NELL1: variants seen among roughly 807,000 people sequenced by gnomAD.
NELL1 encodes neural EGFL like 1, also known as protein kinase C-binding protein NELL1.
In NELL1, 76 loss-of-function variants were observed where a neutral mutation model predicts 107.4. The ratio of observed to expected loss-of-function variants is 0.71; its 90% confidence interval spans 0.59 to 0.86. NELL1 has a LOEUF of 0.86. NELL1 is among the 40% of genes least tolerant of loss of function. The pLI, the probability that NELL1 is intolerant of heterozygous loss-of-function variation, is 0.00. For synonymous variants in NELL1, 353 were observed against 341.2 expected (o/e 1.03, Z -0.38); for missense variants, 1,024 against 1,005.5 (o/e 1.02, Z -0.25).
chr11:20,733,899 C>G (rs894262765), intron 2 of NELL1, among the ~76,000 whole-genome samples: 1 of 152,074 alleles, frequency 6.6e-6, no homozygotes, highest in Non-Finnish European at 1.5e-5. Context: ...CGTAGACAGT[C>G]AATTAACCAG....
chr11:20,915,874 C>A (rs974916604), intron 5 of NELL1, among the ~76,000 whole-genome samples: 1 of 151,058 alleles, frequency 6.6e-6, no homozygotes, highest in Non-Finnish European at 1.5e-5. Flanking sequence ...GTCCATATAG[C>A]AATTTAATGC....
intron 14 of NELL1, among the ~76,000 whole-genome samples, chr11:21,303,671 G>A (rs912894538): frequency 1.3e-5 from 2 of 151,998 alleles, no homozygotes; most frequent in African/African-American, 4.8e-5. Context: ...GTTACTCAAA[G>A]GAAAAGAAAT....
chr11:21,342,444 A>G (rs971669962), intron 14 of NELL1, among the ~76,000 whole-genome samples: 2 of 149,550 alleles, frequency 1.3e-5, no homozygotes, highest in Non-Finnish European at 3.0e-5. Flanking sequence ...CAGGAGTTCG[A>G]GACCAGCCTG....
chr11:20,825,787 T>A (rs1287302461), intron 3 of NELL1, among the ~76,000 whole-genome samples: 1 of 151,158 alleles, frequency 6.6e-6, no homozygotes, highest in Non-Finnish European at 1.5e-5. Context: ...TGGGGAACTG[T>A]TGGGAAGGCA....
chr11:21,445,547 G>C (rs1564897673), intron 15 of NELL1, among the ~76,000 whole-genome samples: 1 of 152,064 alleles, frequency 6.6e-6, no homozygotes, highest in Non-Finnish European at 1.5e-5. Flanking sequence ...GTTGAGGCTG[G>C]TCTCGAACTC....
At chr11:21,476,206 A>C (rs1351447173) in intron 15 of NELL1, among the ~76,000 whole-genome samples, 1 of 152,180 alleles carries the variant, frequency 6.6e-6, no homozygotes, top group Non-Finnish European at 1.5e-5. Context: ...TAAACTTATT[A>C]ATTTTAGCTG....
intron 15 of NELL1, among the ~76,000 whole-genome samples, chr11:21,445,554 A>T (rs1322964641): frequency 6.6e-6 from 1 of 151,930 alleles, no homozygotes; most frequent in Admixed American, 6.6e-5. Flanking sequence ...CTGGTCTCGA[A>T]CTCCTGACCT....
intron 16 of NELL1, among the ~76,000 whole-genome samples, chr11:21,546,267 C>G (rs1856439653): frequency 6.6e-6 from 1 of 151,990 alleles, no homozygotes; most frequent in Non-Finnish European, 1.5e-5. Flanking sequence ...AGTTTCTGAG[C>G]ACTCCTTGAT....
chr11:21,574,495 T>C (rs1857176291), intron 19 of NELL1, among the ~76,000 whole-genome samples: 1 of 151,862 alleles, frequency 6.6e-6, no homozygotes. Flanking sequence ...TACCTAACTA[T>C]GCACTATCCC....
At chr11:20,903,216 A>T (rs1219360271) in intron 5 of NELL1, among the ~76,000 whole-genome samples, 1 of 152,018 alleles carries the variant, frequency 6.6e-6, no homozygotes, top group Non-Finnish European at 1.5e-5. Flanking sequence ...TGTTTCCAAG[A>T]ATGAACAGAA....
chr11:20,837,130 C>T (rs1269030667), intron 3 of NELL1, among the ~76,000 whole-genome samples: 3 of 152,084 alleles, frequency 2.0e-5, no homozygotes, highest in Non-Finnish European at 4.4e-5. Flanking sequence ...GCGGAAGGAA[C>T]TGTATATAGA....
At chr11:21,509,373 TG>T (rs1855378473) in intron 15 of NELL1, among the ~76,000 whole-genome samples, 1 of 152,212 alleles carries the variant, frequency 6.6e-6, no homozygotes, top group South Asian at 2.1e-4. Flanking sequence ...GGAATATACT[TG>T]GGAAACTCTT....
chr11:20,944,536 A>G (rs1850924544), intron 10 of NELL1, among the ~76,000 whole-genome samples: 1 of 152,214 alleles, frequency 6.6e-6, no homozygotes, highest in South Asian at 2.1e-4. Context: ...GACATGGAGA[A>G]AGCCACTCTA....
At chr11:21,114,575 C>A (rs536259538) in intron 13 of NELL1, among the ~76,000 whole-genome samples, 2 of 151,612 alleles carry the variant, frequency 1.3e-5, no homozygotes, top group African/African-American at 2.4e-5. Flanking sequence ...TCTGAATGAC[C>A]TTTTCAGAAG....
chr11:20,915,028 A>G (rs1445389673), intron 5 of NELL1, among the ~76,000 whole-genome samples: 1 of 152,040 alleles, frequency 6.6e-6, no homozygotes, highest in Non-Finnish European at 1.5e-5. Flanking sequence ...AGTTTTCAAT[A>G]ATTTGATGCT....
chr11:21,523,315 A>C (rs377382046), intron 15 of NELL1, among the ~76,000 whole-genome samples: 1 of 152,234 alleles, frequency 6.6e-6, no homozygotes, highest in African/African-American at 2.4e-5. Flanking sequence ...TAGTCTGACA[A>C]TCTTTGCCTT....
intron 15 of NELL1, among the ~76,000 whole-genome samples, chr11:21,459,446 T>A (rs1343741855): frequency 6.6e-6 from 1 of 151,048 alleles, no homozygotes; most frequent in Non-Finnish European, 1.5e-5. Context: ...GAACATTGGG[T>A]TTTTGTTTTA....
chr11:21,430,384 A>C (rs1852935255), intron 15 of NELL1, among the ~76,000 whole-genome samples: 3 of 152,170 alleles, frequency 2.0e-5, no homozygotes, highest in Admixed American at 2.0e-4. Context: ...TCTGAATAAC[A>C]AGGATCCTTT....
intron 13 of NELL1, among the ~76,000 whole-genome samples, chr11:21,192,811 A>G (rs1443087918): frequency 6.6e-6 from 1 of 151,868 alleles, no homozygotes; most frequent in Non-Finnish European, 1.5e-5. Context: ...TCTAGTCAAT[A>G]GAGGTCACAC....
Sources: gnomAD v4.1 joint callset for allele counts (sites outside exome capture counted in the v4.1 genomes callset) on GRCh38, gnomAD v4.1.1 for gene constraint, MANE v1.5 for transcripts, NCBI Gene and HGNC (gene_info 2026-07-23, HGNC 2026-07-21) for gene names.